The following OR10H1 variants were observed in gnomAD, a reference collection of about 807,000 sequenced individuals.
OR10H1 encodes olfactory receptor family 10 subfamily H member 1.
Under a neutral mutation model 13.1 loss-of-function variants are expected in OR10H1, and 12 were observed. That is an observed-to-expected ratio of 0.92 (90% CI 0.59 to 1.48). OR10H1 has a LOEUF of 1.48. Ranked by LOEUF, OR10H1 falls within the 40% of genes most tolerant of loss-of-function variation. OR10H1 has a pLI of 0.00. For missense variants in OR10H1, 363 were observed against 413.1 expected (o/e 0.88, Z 1.05); for synonymous variants, 168 against 175.6 (o/e 0.96, Z 0.34).
At chr19:15,814,883 T>C (rs2088958020) in intron 1 of OR10H1, among the ~76,000 whole-genome samples, 1 of 152,150 alleles carries the variant, frequency 6.6e-6, no homozygotes, top group South Asian at 2.1e-4. Flanking sequence ...TCTCCGCCTC[T>C]TCCCAATCCT....
Position 15,807,535 on chromosome 19 carries a change from A to G in OR10H1, c.503T>C (p.Phe168Ser). ...VVTSAIFHLA[F>S]CGHKEIHHFA... ...ATGGTGGATCTCCTTGTGTCCACAG[A>G]AGGCGAGGTGGAAAATGGCCGAGGT... Residue 168 changes from phenylalanine (F) to serine (S), a missense_variant, in exon 4 of 4, where the codon TTC (phenylalanine) becomes TCC (serine). Physicochemically the swap from Phe to Ser is radical, Grantham distance 155. Coordinates refer to ENST00000641419, the MANE Select transcript of OR10H1 (RefSeq NM_013940.4). The G allele has an allele frequency of 6.2e-7, 1 of 1,614,226 alleles. No homozygotes were observed. The highest frequency in any genetic ancestry group is 8.5e-7 in the Non-Finnish European group (1 of 1,180,050).
At chr19:15,808,544 T>C (rs1048378048) in intron 3 of OR10H1, among the ~76,000 whole-genome samples, 181 bp downstream of exon 3, 2 of 152,074 alleles carry the variant, frequency 1.3e-5, no homozygotes, top group Non-Finnish European at 2.9e-5. Context: ...AGAGCTAGAC[T>C]CTATCTCTTA....
chr19:15,812,524 CGAAGGA>C lies in OR10H1; in HGVS notation c.-429_-424del, dbSNP rs2088938521. ...AGGGAGGGAAGGAGGAAGGAAGGAA[CGAAGGA>C]AGGAAGGAAGGAGAGTGAGGGAGGA... is the stretch of plus-strand genomic sequence containing the variant. On this transcript the variant is annotated 5_prime_UTR_variant, in exon 2 of 4. Coordinates refer to ENST00000641419, the MANE Select transcript of OR10H1 (RefSeq NM_013940.4). 2.8e-5 allele frequency: 2 copies of C among 72,578 alleles called. No homozygotes were observed. Among genetic ancestry groups the C allele is most frequent in the African/African-American group, 4.8e-5 (1 of 21,038 alleles). 4.5% of individuals were successfully genotyped at this position (72,578 alleles called of 1,614,324 possible).
intron 1 of OR10H1, among the ~76,000 whole-genome samples, chr19:15,815,074 C>T (rs2088958824): frequency 6.6e-6 from 1 of 152,184 alleles, no homozygotes; most frequent in Non-Finnish European, 1.5e-5. Context: ...GGCACGATGG[C>T]TCATGCCTGT....
rs760359473 is a variant in OR10H1, at chr19:15,807,502, C to G, written c.536G>C (p.Cys179Ser). Residue 179 changes from cysteine (C) to serine (S), a missense_variant, in exon 4 of 4, where the codon TGC becomes TCC. Coordinates refer to ENST00000641419, the MANE Select transcript of OR10H1 (RefSeq NM_013940.4). ...CGHKEIHHFA[C>S]HVPPLLKLAC... Reference sequence around the variant, plus strand: ...CAACTTCAACAGAGGTGGCACATGGCAAGCAAAATGGTGGATCTCCTTGTG... The same window carrying G: ...CAACTTCAACAGAGGTGGCACATGGGAAGCAAAATGGTGGATCTCCTTGTG... 31 of 1,614,230 alleles carry G rather than the reference C, an allele frequency of 1.9e-5. No homozygotes were observed. The highest frequency in any genetic ancestry group is 2.6e-5 in the Non-Finnish European group (31 of 1,180,056).
intron 2 of OR10H1, among the ~76,000 whole-genome samples, chr19:15,810,802 C>A (rs2088928632): frequency 6.6e-6 from 1 of 151,468 alleles, no homozygotes; most frequent in African/African-American, 2.4e-5. Flanking sequence ...GAATTGTATA[C>A]TTTTAAGTGT....
At chr19:15,814,486 A>AG (rs2088955226) in intron 1 of OR10H1, among the ~76,000 whole-genome samples, 2 of 37,840 alleles carry the variant, frequency 5.3e-5, no homozygotes, top group Non-Finnish European at 1.2e-4. Context: ...TGTGTGAGAG[A>AG]GAGAGAGAGA....
intron 2 of OR10H1, 141 bp downstream of exon 2, chr19:15,812,089 C>T (rs2088935362): frequency 6.6e-6 from 1 of 152,296 alleles, no homozygotes; most frequent in African/African-American, 2.4e-5. Context: ...GCTCTGATCC[C>T]TATTTTACAG....
In OR10H1 at chr19:15,805,939, G is replaced by A. The variant is rs2088893540; in HGVS notation, c.*1142C>T. ...CAAGACTCACACTTGAAATTCTAAG[G>A]TTTCCTTGATGTTTAAAGAGAGTCT... On this transcript the variant is annotated 3_prime_UTR_variant, in exon 4 of 4. Coordinates refer to ENST00000641419, the MANE Select transcript of OR10H1 (RefSeq NM_013940.4). The A allele has an allele frequency of 6.6e-6, 1 of 152,166 alleles. No homozygotes were observed. Among genetic ancestry groups the A allele is most frequent in the Non-Finnish European group, 1.5e-5 (1 of 68,040 alleles). 9.4% of individuals were successfully genotyped at this position (152,166 alleles called of 1,614,324 possible). A position where few individuals can be genotyped will look rare whatever the true frequency, so the allele number is the denominator to read the frequency against.
chr19:15,814,365 A>G (rs2144946341), intron 1 of OR10H1, among the ~76,000 whole-genome samples: 1 of 150,710 alleles, frequency 6.6e-6, no homozygotes, highest in East Asian at 2.0e-4. Context: ...TTAAGCCACC[A>G]CTTCCCTCTC....
At chr19:15,810,119 A>G (rs181131356) in intron 2 of OR10H1, among the ~76,000 whole-genome samples, 1,952 of 151,908 alleles carry the variant, frequency 0.013, 24 homozygotes, top group Non-Finnish European at 0.02. Context: ...ACATGGTGAA[A>G]CCCTGCCTCT....
chr19:15,810,616 T>G (rs1440162974), intron 2 of OR10H1, among the ~76,000 whole-genome samples: 1 of 151,904 alleles, frequency 6.6e-6, no homozygotes, highest in East Asian at 1.9e-4. Flanking sequence ...GCAATGAAAA[T>G]GCTTGTAGCA....
Position 15,806,773 on chromosome 19 carries a change from G to T in OR10H1, c.*308C>A. The T allele has an allele frequency of 3.6e-6, 1 of 279,740 alleles. No homozygotes were observed. The allele number at this position is 279,740 out of a possible 1,614,324, so 17.3% of individuals were successfully genotyped here. ...GAGACAGTCTCACTCTGTCGCCCAGGCTGGAGTGCAGTGGTGTGATCTCAG... is the reference window on the plus strand; with the variant it reads ...GAGACAGTCTCACTCTGTCGCCCAGTCTGGAGTGCAGTGGTGTGATCTCAG... On this transcript the variant is annotated 3_prime_UTR_variant, in exon 4 of 4. Transcript: ENST00000641419.
Position 15,806,781 on chromosome 19 carries a change from G to A in OR10H1, c.*300C>T. ...CTCACTCTGTCGCCCAGGCTGGAGT[G>A]CAGTGGTGTGATCTCAGCTCACTGC... On this transcript the variant is annotated 3_prime_UTR_variant, in exon 4 of 4. Transcript: ENST00000641419. 3.1e-6 allele frequency: 1 copy of A among 325,760 alleles called. No homozygotes were observed. The highest frequency in any genetic ancestry group is 5.7e-6 in the Non-Finnish European group (1 of 175,300). The allele number at this position is 325,760 out of a possible 1,614,324, so 20.2% of individuals were successfully genotyped here.
chr19:15,812,124 C>T (rs1261157339), intron 2 of OR10H1, 106 bp downstream of exon 2: 1 of 152,304 alleles, frequency 6.6e-6, no homozygotes. Flanking sequence ...ACCCACGACA[C>T]ATCACTTGCC....
At chr19:15,815,318 G>A (rs1412169225) in intron 1 of OR10H1, among the ~76,000 whole-genome samples, 2 of 147,828 alleles carry the variant, frequency 1.4e-5, no homozygotes. Flanking sequence ...TCCAGCCTGG[G>A]CTACAGAGCG....
chr19:15,805,449 T>TC lies in OR10H1; in HGVS notation c.*1631_*1632insG. On this transcript the variant is annotated 3_prime_UTR_variant, in exon 4 of 4. Coordinates refer to ENST00000641419, the MANE Select transcript of OR10H1 (RefSeq NM_013940.4). ...ACCATGAGGTAAACTTTCTTTTTTT[T>TC]TTTTTTTTTTTTTTTTGAGATGGAG... 1.3e-5 allele frequency: 1 copy of TC among 75,980 alleles called. No individual in the cohort carries two copies. Among genetic ancestry groups the TC allele is most frequent in the East Asian group, 3.4e-4 (1 of 2,938 alleles). 4.7% of individuals were successfully genotyped at this position (75,980 alleles called of 1,614,324 possible).
intron 1 of OR10H1, among the ~76,000 whole-genome samples, chr19:15,814,480 TGAGAGAGAGAGAGAGAGAGAGAGAGA>T (rs58307648): frequency 4.0e-4 from 27 of 68,022 alleles, no homozygotes; most frequent in African/African-American, 1.5e-3. Context: ...TGTGTGTGTG[TGAGAGAGAGAGAGAGAGAGAGAGAGA>T]GAGAGAGAGA....
Position 15,807,184 on chromosome 19 carries a change from A to G in OR10H1, c.854T>C (p.Phe285Ser). Residue 285 changes from phenylalanine (F) to serine (S), a missense_variant, in exon 4 of 4, where the codon TTC becomes TCC. By Grantham distance (155) the Phe-to-Ser change is radical. Transcript: ENST00000641419. ...GAGGCTGAAGATGATGGGGCTGAGG[A>G]AGGGTGTGAGGACCGTGTAGGTGAT... ...MGITYTVLTP[F>S]LSPIIFSLRN... 1 of 1,614,122 alleles carries G rather than the reference A, an allele frequency of 6.2e-7. No homozygotes were observed. The highest frequency in any genetic ancestry group is 8.5e-7 in the Non-Finnish European group (1 of 1,180,016).
Sources: gnomAD v4.1 joint callset for allele counts (sites outside exome capture counted in the v4.1 genomes callset) on GRCh38, gnomAD v4.1.1 for gene constraint, MANE v1.5 for transcripts, NCBI Gene and HGNC (gene_info 2026-07-23, HGNC 2026-07-21) for gene names.